FAM53A: variants seen among roughly 807,000 people sequenced by gnomAD.
The protein encoded by FAM53A is protein FAM53A.
Under a neutral mutation model 26.6 loss-of-function variants are expected in FAM53A, and 28 were observed. The ratio of observed to expected loss-of-function variants is 1.05; its 90% CI spans 0.78 to 1.45. FAM53A has a LOEUF of 1.45. FAM53A is among the 40% of genes most tolerant of loss of function. The pLI is 0.00. For synonymous variants in FAM53A, 290 were observed against 253.1 expected (o/e 1.15, Z -1.38); for missense variants, 650 against 575.8 (o/e 1.13, Z -1.32).
At chr4:1,624,107 G>A (rs917302239) in intron 1 of FAM53A, among the ~76,000 whole-genome samples, 1 of 152,228 alleles carries the variant, frequency 6.6e-6, no homozygotes, top group African/African-American at 2.4e-5. Flanking sequence ...GTGGCCAGGT[G>A]CCCCCTCCCT....
At chr4:1,654,905 A>C (rs895518141) in intron 4 of FAM53A, 73 bp downstream of exon 4, 11 of 1,447,190 alleles carry the variant, frequency 7.6e-6, no homozygotes, top group African/African-American at 1.5e-5. Flanking sequence ...CCAGAGAATC[A>C]GCCAGCCTCA....
chr4:1,658,982 A>C (rs1370479752), intron 2 of FAM53A, among the ~76,000 whole-genome samples: 1 of 152,268 alleles, frequency 6.6e-6, no homozygotes, highest in Non-Finnish European at 1.5e-5. Context: ...TTAACGCCTA[A>C]GCCCATGGCA....
chr4:1,674,364 T>C (rs1005727761), intron 1 of FAM53A, among the ~76,000 whole-genome samples: 1 of 152,182 alleles, frequency 6.6e-6, no homozygotes, highest in African/African-American at 2.4e-5. Context: ...TTCATCTTAA[T>C]GTACATTAAT....
At chr4:1,647,422 C>A (rs1278473592) in intron 4 of FAM53A, among the ~76,000 whole-genome samples, 1 of 152,040 alleles carries the variant, frequency 6.6e-6, no homozygotes, top group African/African-American at 2.4e-5. Flanking sequence ...GAAGGCAGTG[C>A]CCCTGCACCC....
Position 1,630,598 on chromosome 4 carries a change from C to T in FAM53A, c.432-12487G>A, listed in dbSNP as rs2108773061. On this transcript the variant is annotated intron_variant, in intron 1 of 1. Coordinates refer to the FAM53A transcript ENST00000489029. The surrounding 1 kb of genome is among the most constrained non-coding windows in gnomAD (Gnocchi z 4.3). Reference sequence around the variant, plus strand: ...CACCTGAGGCAGGCTCAGCAATTCCCCTCAGCCTCACCGCCACTCCCAAGA... The same window carrying T: ...CACCTGAGGCAGGCTCAGCAATTCCTCTCAGCCTCACCGCCACTCCCAAGA... Among the ~76,000 whole-genome samples, 1 of 152,290 alleles carries T rather than the reference C, an allele frequency of 6.6e-6. No homozygotes were observed. Among genetic ancestry groups the T allele is most frequent in the Middle Eastern group, 3.4e-3 (1 of 294 alleles).
chr4:1,605,679 C>T, the FAM53A span, among the ~76,000 whole-genome samples: 1 of 152,158 alleles, frequency 6.6e-6, no homozygotes, highest in Admixed American at 6.5e-5. The surrounding 1 kb of genome is among the most constrained non-coding windows in gnomAD (Gnocchi z 5.7). Context: ...GCCGACCCTG[C>T]AGGGTGAGCT....
At chr4:1,623,761 G>A (rs1220450491) in intron 1 of FAM53A, among the ~76,000 whole-genome samples, 1 of 152,274 alleles carries the variant, frequency 6.6e-6, no homozygotes, top group East Asian at 1.9e-4. Flanking sequence ...CATTCCCGGG[G>A]CGTCGGACAG....
intron 2 of FAM53A, among the ~76,000 whole-genome samples, chr4:1,662,390 A>G (rs1713898830): frequency 6.7e-6 from 1 of 148,746 alleles, no homozygotes; most frequent in Non-Finnish European, 1.5e-5. Flanking sequence ...GAGGCAGAAG[A>G]CTCTCTCGAA....
intron 1 of FAM53A, among the ~76,000 whole-genome samples, chr4:1,680,332 A>C (rs1471339588): frequency 1.1e-4 from 16 of 149,640 alleles, no homozygotes; most frequent in South Asian, 4.2e-4. Context: ...AAAAAAAAAA[A>C]AAAAAAAAAA....
At chr4:1,603,320 CA>C in the FAM53A span, among the ~76,000 whole-genome samples, 1 of 152,062 alleles carries the variant, frequency 6.6e-6, no homozygotes, top group Non-Finnish European at 1.5e-5. Context: ...TCAAGGGGCC[CA>C]CAAGAGACAG....
the FAM53A span, among the ~76,000 whole-genome samples, chr4:1,604,546 T>C: frequency 6.6e-6 from 1 of 151,814 alleles, no homozygotes; most frequent in East Asian, 1.9e-4. Context: ...CACGGCGCCC[T>C]GGCCTCACAA....
intron 1 of FAM53A, among the ~76,000 whole-genome samples, chr4:1,678,709 C>G (rs921189059): frequency 6.6e-6 from 1 of 152,018 alleles, no homozygotes; most frequent in East Asian, 1.9e-4. Flanking sequence ...GTAATCCCAG[C>G]TACTCGGGAG....
the FAM53A span, among the ~76,000 whole-genome samples, chr4:1,578,650 C>T: frequency 6.7e-6 from 1 of 150,066 alleles, no homozygotes; most frequent in Non-Finnish European, 1.5e-5. Flanking sequence ...CCTACGAGGT[C>T]GCGACCCCCC....
chr4:1,602,907 G>A, the FAM53A span, among the ~76,000 whole-genome samples: 2 of 152,266 alleles, frequency 1.3e-5, no homozygotes, highest in East Asian at 1.9e-4. Context: ...ACTCCAGGAC[G>A]CCCCCTCCGT....
rs376620830 is a variant in FAM53A, at chr4:1,646,312, G to A, written c.883-4705C>T. 1.2e-4 allele frequency among the ~76,000 whole-genome samples: 18 copies of A among 152,222 alleles called. No homozygotes were observed. In the East Asian group the frequency reaches 2.9e-3, roughly 24 times the overall value. ...GACAGGGTTTCACTGTGTTAGCCAG[G>A]ATGGTCTCGATCTCCTGACCTCATG... On this transcript the variant is annotated intron_variant, in intron 4 of 4. Transcript: ENST00000308132.
At chr4:1,670,588 C>T (rs1369958935) in intron 1 of FAM53A, among the ~76,000 whole-genome samples, 1 of 152,220 alleles carries the variant, frequency 6.6e-6, no homozygotes, top group Non-Finnish European at 1.5e-5. Flanking sequence ...TCTGAAATCG[C>T]GTGCTCAGCA....
rs1190244471 is a variant in FAM53A at position 1,640,909 on chromosome 4, G to A, written c.*384C>T. ...AGGTGCAGGCAGCAGCCATGGCCCC[G>A]ACCAGCTCACAGGAAACCTAGTCTG... On this transcript the variant is annotated 3_prime_UTR_variant, in exon 5 of 5. Coordinates refer to ENST00000308132, the MANE Select transcript of FAM53A (RefSeq NM_001174070.3). The A allele has an allele frequency of 1.3e-4, 53 of 414,968 alleles. No homozygotes were observed. Among genetic ancestry groups the A allele is most frequent in the South Asian group, 6.9e-5 (4 of 57,782 alleles). 25.7% of individuals were successfully genotyped at this position (414,968 alleles called of 1,614,324 possible). A position where few individuals can be genotyped will look rare whatever the true frequency, so the allele number is the denominator to read the frequency against.
chr4:1,673,855 G>A (rs1283616557), intron 1 of FAM53A, among the ~76,000 whole-genome samples: 5 of 152,274 alleles, frequency 3.3e-5, no homozygotes, highest in East Asian at 1.9e-4. Flanking sequence ...CGCATGCAGC[G>A]CGGGAGGGAC....
At chr4:1,644,367 T>C (rs754077171) in intron 4 of FAM53A, 3 of 1,535,142 alleles carry the variant, frequency 2.0e-6, no homozygotes, top group South Asian at 2.4e-5. Context: ...CAGCAGGCTC[T>C]GAACGCCTCT....
Sources: gnomAD v4.1 joint callset for allele counts (sites outside exome capture counted in the v4.1 genomes callset) on GRCh38, gnomAD v4.1.1 for gene constraint, Gnocchi (gnomAD v3.1) non-coding constraint, MANE v1.5 for transcripts, NCBI Gene and HGNC (gene_info 2026-07-23, HGNC 2026-07-21) for gene names.